Variants in ANK2 observed in about 807,000 individuals in gnomAD.
ANK2 encodes ankyrin-2.
In ANK2, 83 loss-of-function variants were observed where a neutral mutation model predicts 360.5. The observed-to-expected ratio is 0.23, with a 90% confidence interval of 0.19 to 0.28. The LOEUF is 0.28. ANK2 is among the 10% of genes least tolerant of loss of function. ANK2 has a pLI of 1.00. For missense variants in ANK2, 4,201 were observed against 4,795.7 expected, an observed-to-expected ratio of 0.88 and a Z score of 3.66; for synonymous variants, 1,740 against 1,759.5, an observed-to-expected ratio of 0.99 and a Z score of 0.28.
chr4:112,718,523 A>G, the ANK2 span, among the ~76,000 whole-genome samples: 1 of 152,214 alleles, frequency 6.6e-6, no homozygotes. Flanking sequence ...CATGTTGGCC[A>G]GGCTGGTCTT....
chr4:113,343,683 A>G (rs543852141), intron 34 of ANK2, among the ~76,000 whole-genome samples: 1 of 152,338 alleles, frequency 6.6e-6, no homozygotes, highest in East Asian at 1.9e-4. Context: ...ACAGAGACCA[A>G]GTTAGGGATT....
At chr4:113,026,205 G>A (rs1048576073) in intron 2 of ANK2, among the ~76,000 whole-genome samples, 4 of 152,288 alleles carry the variant, frequency 2.6e-5, no homozygotes, top group Admixed American at 6.5e-5. Context: ...AGTTCTATCT[G>A]TTGTCATGTA....
At chr4:112,719,256 G>T in the ANK2 span, among the ~76,000 whole-genome samples, 1 of 152,154 alleles carries the variant, frequency 6.6e-6, no homozygotes, top group Non-Finnish European at 1.5e-5. Context: ...AGTTATCAAA[G>T]CTTGTGTCCT....
At chr4:112,711,229 C>A in the ANK2 span, among the ~76,000 whole-genome samples, 6 of 151,246 alleles carry the variant, frequency 4.0e-5, no homozygotes, top group Non-Finnish European at 8.8e-5. Flanking sequence ...CTCTGTACTG[C>A]CCAGGCTATG....
chr4:113,336,768 A>G lies in ANK2; in HGVS notation c.3783A>G (p.Leu1261=), dbSNP rs2153964111. The change falls in exon 31 of 46, where the codon CTA becomes CTG. Residue 1261 remains leucine (L), a synonymous_variant. Coordinates refer to ENST00000357077, the MANE Select transcript of ANK2 (RefSeq NM_001148.6). ...GAGATGCACCAACCTTAAGATTACT[A>G]TGCAGCATAACAGGTGAGTCACATA... is the stretch of plus-strand genomic sequence containing the variant. ...FGGDAPTLRL[L]CSITGGTTPA... The G allele has an allele frequency of 1.2e-6, 2 of 1,614,110 alleles. No individual in the cohort carries two copies. Among genetic ancestry groups the G allele is most frequent in the African/African-American group, 1.3e-5 (1 of 75,052 alleles).
intron 2 of ANK2, among the ~76,000 whole-genome samples, chr4:112,976,061 GT>G (rs1156977886): frequency 3.3e-5 from 5 of 151,592 alleles, no homozygotes; most frequent in African/African-American, 9.7e-5. Context: ...ATTTTATGTC[GT>G]TTTTTTCCCT....
intron 4 of ANK2, among the ~76,000 whole-genome samples, chr4:113,209,562 G>A (rs922853860): frequency 2.6e-5 from 4 of 152,004 alleles, no homozygotes; most frequent in African/African-American, 7.3e-5. Context: ...GGTTTTCAGC[G>A]GGAGAAAGGA....
At chr4:113,082,301 GT>G (rs796202046) in intron 1 of ANK2, among the ~76,000 whole-genome samples, 1 of 151,786 alleles carries the variant, frequency 6.6e-6, no homozygotes, top group East Asian at 1.9e-4. Flanking sequence ...TTTCAAACTT[GT>G]TTTTTTTCCC....
chr4:112,891,920 A>G (rs2080140770), intron 1 of ANK2, among the ~76,000 whole-genome samples: 1 of 152,252 alleles, frequency 6.6e-6, no homozygotes, highest in Non-Finnish European at 1.5e-5. Flanking sequence ...TAAGTTCTCA[A>G]TAAATATTTA....
intron 2 of ANK2, among the ~76,000 whole-genome samples, chr4:113,185,410 C>G (rs1423959873): frequency 6.6e-6 from 1 of 152,208 alleles, no homozygotes; most frequent in African/African-American, 2.4e-5. Context: ...GCCATTCTAA[C>G]TGGTGTGAGA....
chr4:113,376,377 A>G (rs1392736459), intron 45 of ANK2, among the ~76,000 whole-genome samples: 4 of 152,258 alleles, frequency 2.6e-5, no homozygotes, highest in African/African-American at 7.2e-5. Context: ...TAGATAAACA[A>G]AATAAAAGAT....
At chr4:113,116,369 A>G (rs539628867) in intron 1 of ANK2, among the ~76,000 whole-genome samples, 1 of 152,196 alleles carries the variant, frequency 6.6e-6, no homozygotes, top group Non-Finnish European at 1.5e-5. Flanking sequence ...TCTCCCAGGA[A>G]AACCTCGCTG....
chr4:112,970,653 G>A (rs1211055942), intron 2 of ANK2, among the ~76,000 whole-genome samples: 1 of 152,130 alleles, frequency 6.6e-6, no homozygotes, highest in Non-Finnish European at 1.5e-5. Flanking sequence ...TTTCAGGGCA[G>A]CTTATAACTA....
intron 1 of ANK2, among the ~76,000 whole-genome samples, chr4:112,860,214 T>C (rs1221896392): frequency 6.6e-6 from 1 of 152,166 alleles, no homozygotes; most frequent in East Asian, 1.9e-4. Context: ...TTATTGGAAG[T>C]TTTAAAAAAA....
intron 2 of ANK2, among the ~76,000 whole-genome samples, chr4:113,019,743 G>C (rs2057567594): frequency 6.6e-6 from 1 of 152,030 alleles, no homozygotes. Context: ...TCATTTTTCT[G>C]TTTGCTTAGA....
intron 2 of ANK2, among the ~76,000 whole-genome samples, chr4:112,916,040 T>C (rs1404556282): frequency 6.6e-6 from 1 of 152,158 alleles, no homozygotes; most frequent in African/African-American, 2.4e-5. Flanking sequence ...ATTTAGATGC[T>C]CCATTGAGAA....
At chr4:113,200,111 G>A (rs898084988) in intron 4 of ANK2, among the ~76,000 whole-genome samples, 1 of 152,110 alleles carries the variant, frequency 6.6e-6, no homozygotes, top group African/African-American at 2.4e-5. Flanking sequence ...GTAATATCAT[G>A]CTATTTTAAT....
chr4:113,047,541 GGTGAGGGAATGA>G (rs1454583422), upstream of ANK2, among the ~76,000 whole-genome samples: 1 of 152,158 alleles, frequency 6.6e-6, no homozygotes, highest in Non-Finnish European at 1.5e-5. Flanking sequence ...AATGGGACGA[GGTGAGGGAATGA>G]GTGAGGGGTT....
At chr4:113,048,248 GTATA>G (rs869196489), upstream of ANK2, among the ~76,000 whole-genome samples, 2,901 of 35,932 alleles carry the variant, frequency 0.081, 138 homozygotes, top group African/African-American at 0.13. Flanking sequence ...CTACAAGTGT[GTATA>G]TATATATATA....
Sources: allele counts gnomAD v4.1 joint callset (sites outside exome capture counted in the v4.1 genomes callset), GRCh38; gene constraint gnomAD v4.1.1; transcripts MANE v1.5; gene names NCBI Gene and HGNC (gene_info 2026-07-23, HGNC 2026-07-21).